The following CCDC148 variants were observed in gnomAD, a reference collection of about 807,000 sequenced individuals.
CCDC148 encodes coiled-coil domain containing 148.
CCDC148 carries 89 observed loss-of-function variants against 85.7 expected under a neutral mutation model. That is an observed-to-expected ratio of 1.04 (90% CI 0.87 to 1.24). CCDC148 has a LOEUF of 1.24. Among genes scored for constraint, CCDC148 ranks in the 50% most tolerant of loss-of-function variants. The pLI, the probability that CCDC148 is intolerant of heterozygous loss-of-function variation, is 0.00. For synonymous variants in CCDC148, 230 were observed against 213.9 expected, an observed-to-expected ratio of 1.08 and a Z score of -0.66; for missense variants, 692 against 671.7, an observed-to-expected ratio of 1.03 and a Z score of -0.33.
intron 1 of CCDC148, among the ~76,000 whole-genome samples, chr2:158,454,858 G>T (rs1688538129): frequency 6.6e-6 from 1 of 152,174 alleles, no homozygotes; most frequent in Non-Finnish European, 1.5e-5. Flanking sequence ...AATTAATGTT[G>T]AGTGGCAACT....
At chr2:158,224,738 C>T (rs1180042851) in intron 10 of CCDC148, among the ~76,000 whole-genome samples, 3 of 152,202 alleles carry the variant, frequency 2.0e-5, no homozygotes, top group Non-Finnish European at 4.4e-5. Flanking sequence ...ATATATTTTA[C>T]AGACAAGCAA....
chr2:158,349,399 G>A (rs1683151004), intron 2 of CCDC148, among the ~76,000 whole-genome samples: 1 of 151,868 alleles, frequency 6.6e-6, no homozygotes, highest in Non-Finnish European at 1.5e-5. Context: ...TGTTAGCTAT[G>A]TAATATTAAG....
chr2:158,340,123 A>G (rs929578090), intron 5 of CCDC148, 119 bp downstream of exon 5: 8 of 706,516 alleles, frequency 1.1e-5, no homozygotes, highest in African/African-American at 1.8e-5. Context: ...TTTAAATATT[A>G]TTTATGTATT....
At chr2:158,180,637 A>G (rs931053932) in intron 11 of CCDC148, among the ~76,000 whole-genome samples, 4 of 152,106 alleles carry the variant, frequency 2.6e-5, no homozygotes, top group Non-Finnish European at 2.9e-5. Flanking sequence ...CAAGAACAGA[A>G]CAAGTGAATG....
intron 1 of CCDC148, among the ~76,000 whole-genome samples, chr2:158,407,940 T>A (rs1010836858): frequency 6.6e-6 from 1 of 152,176 alleles, no homozygotes; most frequent in Non-Finnish European, 1.5e-5. Flanking sequence ...TATCTAATAT[T>A]TAGCCTATTT....
intron 9 of CCDC148, among the ~76,000 whole-genome samples, chr2:158,299,121 A>G (rs914564837): frequency 1.4e-4 from 22 of 152,124 alleles, no homozygotes; most frequent in African/African-American, 5.3e-4. Context: ...CCTTACCCCT[A>G]CGGCATGGCC....
chr2:158,265,670 CT>C (rs1470584346), intron 9 of CCDC148, among the ~76,000 whole-genome samples: 1 of 152,030 alleles, frequency 6.6e-6, no homozygotes, highest in African/African-American at 2.4e-5. Context: ...TGGTTCTTTC[CT>C]TTTCACTCAA....
chr2:158,187,001 T>A (rs1685186539), intron 11 of CCDC148, among the ~76,000 whole-genome samples: 1 of 152,078 alleles, frequency 6.6e-6, no homozygotes, highest in African/African-American at 2.4e-5. Context: ...TATGTACTAA[T>A]GAAGTTGATC....
At chr2:158,371,516 T>C (rs1684440305) in intron 1 of CCDC148, among the ~76,000 whole-genome samples, 2 of 152,014 alleles carry the variant, frequency 1.3e-5, no homozygotes, top group African/African-American at 4.8e-5. Context: ...CAAGGTTTTA[T>C]TTTGTATTAT....
chr2:158,202,439 T>A (rs1686015725), intron 11 of CCDC148, among the ~76,000 whole-genome samples: 1 of 152,228 alleles, frequency 6.6e-6, no homozygotes, highest in Non-Finnish European at 1.5e-5. Context: ...GTTAAGTTTT[T>A]CTAAAGGCGA....
At chr2:158,441,932 C>G (rs1687950790) in intron 1 of CCDC148, among the ~76,000 whole-genome samples, 1 of 151,956 alleles carries the variant, frequency 6.6e-6, no homozygotes, top group Non-Finnish European at 1.5e-5. Flanking sequence ...CTCACTCTAC[C>G]AAAGATTTGG....
intron 1 of CCDC148, among the ~76,000 whole-genome samples, chr2:158,400,856 T>G (rs1391183268): frequency 6.6e-6 from 1 of 151,614 alleles, no homozygotes; most frequent in Non-Finnish European, 1.5e-5. Context: ...TTAAACAAAT[T>G]TACAAGAAAA....
At chr2:158,387,782 G>T (rs571835631) in intron 1 of CCDC148, among the ~76,000 whole-genome samples, 14 of 152,148 alleles carry the variant, frequency 9.2e-5, no homozygotes, top group Admixed American at 3.3e-4. Context: ...ACCCATTCAT[G>T]GTACCTCTTC....
In CCDC148 at chr2:158,204,944, G is replaced by A. The variant is rs536670563; in HGVS notation, c.1370+15651C>T. Among the ~76,000 whole-genome samples the A allele has an allele frequency of 5.9e-5, 9 of 152,288 alleles. No individual in the cohort carries two copies. In the South Asian group the frequency reaches 1.9e-3, roughly 32 times the overall value. On this transcript the variant is annotated intron_variant, in intron 11 of 13. Coordinates refer to ENST00000283233, the MANE Select transcript of CCDC148 (RefSeq NM_138803.4). ...GGAACTGGCAGGGCCCAGCAGTCTG[G>A]AGAGGAGTAGGAGGGGCAGGACTCC...
intron 1 of CCDC148, among the ~76,000 whole-genome samples, chr2:158,427,760 C>T (rs894955331): frequency 6.6e-6 from 1 of 152,124 alleles, no homozygotes. Flanking sequence ...ATCTCAGCTA[C>T]CTGGGAGGCC....
chr2:158,427,997 T>A (rs1295697228), intron 1 of CCDC148, among the ~76,000 whole-genome samples: 1 of 152,138 alleles, frequency 6.6e-6, no homozygotes, highest in Non-Finnish European at 1.5e-5. Flanking sequence ...ACAGAGAGTC[T>A]TTTAGGCTTT....
At chr2:158,384,023 C>T (rs890276320) in intron 1 of CCDC148, among the ~76,000 whole-genome samples, 1 of 152,134 alleles carries the variant, frequency 6.6e-6, no homozygotes, top group Non-Finnish European at 1.5e-5. Flanking sequence ...GTAGCATGTC[C>T]TTCAGTTTTG....
chr2:158,330,560 T>C (rs1029750902), intron 7 of CCDC148, among the ~76,000 whole-genome samples: 9 of 152,218 alleles, frequency 5.9e-5, no homozygotes, highest in Non-Finnish European at 8.8e-5. Flanking sequence ...TTTCTATTGA[T>C]TGGAATAGGT....
At chr2:158,355,300 C>T (rs1683568124) in intron 2 of CCDC148, among the ~76,000 whole-genome samples, 1 of 151,956 alleles carries the variant, frequency 6.6e-6, no homozygotes, top group South Asian at 2.1e-4. Context: ...TCCCTGTTTG[C>T]AGACGACATG....
Sources: gnomAD v4.1 joint callset for allele counts (sites outside exome capture counted in the v4.1 genomes callset) on GRCh38, gnomAD v4.1.1 for gene constraint, MANE v1.5 for transcripts, NCBI Gene and HGNC (gene_info 2026-07-23, HGNC 2026-07-21) for gene names.